The following PRKN variants were observed in gnomAD, a reference collection of about 807,000 sequenced individuals.
PRKN encodes the protein parkin RBR E3 ubiquitin protein ligase.
PRKN carries 56 observed loss-of-function variants against 59.5 expected under a neutral mutation model. That is an observed-to-expected ratio of 0.94 (90% CI 0.76 to 1.18). PRKN has a LOEUF of 1.18. Ranked by LOEUF, PRKN falls within the 50% of genes most tolerant of loss-of-function variation. PRKN has a pLI of 0.00. For synonymous variants in PRKN, 250 were observed against 222.1 expected, an observed-to-expected ratio of 1.13 and a Z score of -1.12; for missense variants, 657 against 596.4, an observed-to-expected ratio of 1.10 and a Z score of -1.06.
intron 1 of PRKN, among the ~76,000 whole-genome samples, chr6:162,487,324 TAGAG>T (rs1792592038): frequency 6.6e-6 from 1 of 152,062 alleles, no homozygotes; most frequent in Non-Finnish European, 1.5e-5. Context: ...AGACTTTGTA[TAGAG>T]ATAGAAACAC....
chr6:161,352,837 G>C lies in PRKN; in HGVS notation c.1286-2626C>G, dbSNP rs1410108125. On this transcript the variant is annotated intron_variant, in intron 11 of 11. Transcript: ENST00000366898. This position sits in a 1 kb window ranked among gnomAD's most constrained non-coding sequence, Gnocchi z 5.8. ...GCTCTGTCGCCCAGGCTGGAGTACA[G>C]GGCGCGATCTGGGCTCACTGCCACC... Among the ~76,000 whole-genome samples, 3 of 151,136 alleles carry C rather than the reference G, an allele frequency of 2.0e-5. No individual in the cohort carries two copies. Among genetic ancestry groups the C allele is most frequent in the Non-Finnish European group, 4.4e-5 (3 of 67,868 alleles).
rs1779494478 is a variant in PRKN at position 161,538,157 on chromosome 6, C to A, written c.1083+10697G>T. Among the ~76,000 whole-genome samples, 1 of 152,092 alleles carries A rather than the reference C, an allele frequency of 6.6e-6. No individual in the cohort carries two copies. The highest frequency in any genetic ancestry group is 6.6e-5 in the Admixed American group (1 of 15,264). On this transcript the variant is annotated intron_variant, in intron 9 of 11. Transcript: ENST00000366898. The surrounding 1 kb of genome is among the most constrained non-coding windows in gnomAD (Gnocchi z 4.2). Reference sequence around the variant, plus strand: ...TGCTTTTTGGAAGTGCAGCAATAGGCCCGCTTGACAAATTACCTCCTAGAG... The same window carrying A: ...TGCTTTTTGGAAGTGCAGCAATAGGACCGCTTGACAAATTACCTCCTAGAG...
intron 7 of PRKN, among the ~76,000 whole-genome samples, chr6:161,721,586 T>C (rs80251495): frequency 0.025 from 3,757 of 152,272 alleles, 165 homozygotes; most frequent in African/African-American, 0.086. Context: ...GCCAGTTGTT[T>C]ATGCAGTCCC....
At chr6:162,393,155 C>CTGTTTTTTTTTTTTTTTTTTTTTT (rs1787290048) in intron 2 of PRKN, among the ~76,000 whole-genome samples, 1 of 80,190 alleles carries the variant, frequency 1.2e-5, no homozygotes, top group Non-Finnish European at 2.3e-5. Flanking sequence ...ATAGGAGATT[C>CTGTTTTTTTTTTTTTTTTTTTTTT]TTTTTTTTTT....
chr6:162,117,326 A>C (rs971273087), intron 4 of PRKN, among the ~76,000 whole-genome samples: 1 of 152,228 alleles, frequency 6.6e-6, no homozygotes, highest in African/African-American at 2.4e-5. Context: ...AGTCTGACAT[A>C]TGCTTGCAGT....
At chr6:161,843,149 T>C (rs919172723) in intron 6 of PRKN, among the ~76,000 whole-genome samples, 1 of 152,224 alleles carries the variant, frequency 6.6e-6, no homozygotes, top group East Asian at 1.9e-4. Context: ...TTTAAGAGGA[T>C]TGCATAATTT....
chr6:161,791,240 A>C (rs919760115), intron 6 of PRKN, among the ~76,000 whole-genome samples: 8 of 152,204 alleles, frequency 5.3e-5, no homozygotes. Flanking sequence ...TGTTTTGATA[A>C]AAAGCGACCC....
chr6:161,796,464 A>G (rs936528989), intron 6 of PRKN, among the ~76,000 whole-genome samples: 7 of 152,250 alleles, frequency 4.6e-5, no homozygotes, highest in African/African-American at 1.4e-4. Context: ...ACTAGAAAAC[A>G]GACACTGACA....
Position 162,297,660 on chromosome 6 carries a change from GA to G in PRKN, c.172-34896del, listed in dbSNP as rs371514587. On this transcript the variant is annotated intron_variant, in intron 2 of 11. Transcript: ENST00000366898. ...TATAGTGGTTGTTCTCAGAGTAACA[GA>G]AAAAAAATATTCTTATTATTAAGTT... 3.5e-3 allele frequency among the ~76,000 whole-genome samples: 537 copies of G among 151,700 alleles called. 5 individuals carry two copies. Among genetic ancestry groups the G allele is most frequent in the African/African-American group, 0.012 (494 of 41,362 alleles).
At chr6:162,587,661 G>A (rs1781119016) in intron 1 of PRKN, among the ~76,000 whole-genome samples, 1 of 152,084 alleles carries the variant, frequency 6.6e-6, no homozygotes, top group Non-Finnish European at 1.5e-5. Context: ...AGGTTAATCT[G>A]ATGATTATAC....
At position 162,619,192 on chromosome 6, in the gene PRKN, G is replaced by C. The variant is rs188286065; in HGVS notation, c.7+108470C>G. ...GGAGTCTCTCTCTGTCGCCAGGCTG[G>C]AGTGCAGTGGTGAGATCTCTGCTCA... On this transcript the variant is annotated intron_variant, in intron 1 of 11. Coordinates refer to ENST00000366898, the MANE Select transcript of PRKN (RefSeq NM_004562.3). Among the ~76,000 whole-genome samples the C allele has an allele frequency of 3.6e-4, 53 of 148,540 alleles. 1 individual carries two copies. The East Asian group carries it at 7.5e-3, about 21-fold the overall frequency.
intron 7 of PRKN, among the ~76,000 whole-genome samples, chr6:161,763,511 G>C (rs946049798): frequency 1.3e-5 from 2 of 152,036 alleles, no homozygotes; most frequent in Non-Finnish European, 2.9e-5. Context: ...ACGAAGAGCG[G>C]AGCAGTGTTA....
Position 161,373,044 on chromosome 6 carries a change from C to T in PRKN, c.1168-12839G>A, listed in dbSNP as rs1359745187. Among the ~76,000 whole-genome samples the T allele has an allele frequency of 6.6e-6, 1 of 152,046 alleles. No individual in the cohort carries two copies. The highest frequency in any genetic ancestry group is 1.5e-5 in the Non-Finnish European group (1 of 68,018). ...CAGGCTGGTTTCGAATTCTTAGCTT[C>T]AAGTGATCCTCCCACCCTGGCCTCC... On this transcript the variant is annotated intron_variant, in intron 10 of 11. Coordinates refer to ENST00000366898, the MANE Select transcript of PRKN (RefSeq NM_004562.3). The surrounding 1 kb of genome is among the most constrained non-coding windows in gnomAD (Gnocchi z 4.8).
At chr6:161,685,594 A>G (rs1785523284) in intron 7 of PRKN, among the ~76,000 whole-genome samples, 1 of 152,206 alleles carries the variant, frequency 6.6e-6, no homozygotes, top group Non-Finnish European at 1.5e-5. Flanking sequence ...TTGATTTAAA[A>G]GAGTGTTTGG....
At chr6:161,846,606 T>C (rs1037130834) in intron 6 of PRKN, among the ~76,000 whole-genome samples, 1 of 144,240 alleles carries the variant, frequency 6.9e-6, no homozygotes, top group African/African-American at 2.6e-5. Flanking sequence ...AAAATTATTC[T>C]GTTACCATAT....
At chr6:162,003,950 A>G (rs1782155266) in intron 5 of PRKN, among the ~76,000 whole-genome samples, 1 of 152,122 alleles carries the variant, frequency 6.6e-6, no homozygotes. Context: ...TTGCAACTTC[A>G]ACGTATTCTC....
At chr6:161,559,049 T>A (rs112919233) in intron 8 of PRKN, among the ~76,000 whole-genome samples, 56 of 117,190 alleles carry the variant, frequency 4.8e-4, no homozygotes, top group Middle Eastern at 4.3e-3. Context: ...AAACAAGACC[T>A]AAAAAAAAAA....
At chr6:161,899,633 C>G (rs1777807106) in intron 6 of PRKN, among the ~76,000 whole-genome samples, 1 of 152,182 alleles carries the variant, frequency 6.6e-6, no homozygotes, top group African/African-American at 2.4e-5. Context: ...TTCTCTTCAG[C>G]TTATCGATGA....
intron 7 of PRKN, among the ~76,000 whole-genome samples, chr6:161,669,317 A>G: frequency 6.6e-6 from 1 of 152,178 alleles, no homozygotes; most frequent in East Asian, 1.9e-4. Context: ...CCAAGACACC[A>G]TCTTCACAGT....
Sources: gnomAD v4.1 joint callset for allele counts (sites outside exome capture counted in the v4.1 genomes callset) on GRCh38, gnomAD v4.1.1 for gene constraint, Gnocchi (gnomAD v3.1) non-coding constraint, MANE v1.5 for transcripts, NCBI Gene and HGNC (gene_info 2026-07-23, HGNC 2026-07-21) for gene names.